The following CTNNA3 variants were observed in gnomAD, a reference collection of about 807,000 sequenced individuals.
CTNNA3 encodes the protein catenin alpha 3.
In CTNNA3, 76 loss-of-function variants were observed where a neutral mutation model predicts 95.7. The observed-to-expected ratio is 0.79, with a 90% CI of 0.66 to 0.96. The LOEUF is 0.96. Among genes scored for constraint, CTNNA3 ranks in the 40% least tolerant of loss-of-function variants. The pLI is 0.00. For synonymous variants in CTNNA3, 431 were observed against 374.4 expected (o/e 1.15, Z -1.74); for missense variants, 1,191 against 1,089.8 (o/e 1.09, Z -1.31).
At chr10:66,126,094 A>G (rs2082818300) in intron 13 of CTNNA3, among the ~76,000 whole-genome samples, 1 of 152,198 alleles carries the variant, frequency 6.6e-6, no homozygotes, top group Non-Finnish European at 1.5e-5. Flanking sequence ...ATCTCACTGT[A>G]TGGGGTATGG....
intron 11 of CTNNA3, among the ~76,000 whole-genome samples, chr10:66,458,035 T>A (rs2093506177): frequency 6.6e-6 from 1 of 152,178 alleles, no homozygotes; most frequent in Non-Finnish European, 1.5e-5. Context: ...CAGCTGTAGT[T>A]AAGCCTTGGC....
chr10:66,121,345 G>A (rs1445799474), intron 13 of CTNNA3, among the ~76,000 whole-genome samples: 1 of 152,158 alleles, frequency 6.6e-6, no homozygotes, highest in Non-Finnish European at 1.5e-5. Context: ...ACTGCTAGTT[G>A]TAGCTAGAAA....
rs905824974 is a variant in CTNNA3, at chr10:66,022,596, A to G, written c.2160-33799T>C. 5.3e-5 allele frequency among the ~76,000 whole-genome samples: 6 copies of G among 112,980 alleles called. 1 individual carries two copies. The East Asian group carries it at 1.0e-3, about 19-fold the overall frequency. The allele number at this position is 112,980 out of a possible 152,430, so 74.1% of individuals were successfully genotyped here. ...GTAGCATGACACCCAGGATATGCAC[A>G]TGACACACACACACACACACACACA... On this transcript the variant is annotated intron_variant, in intron 15 of 17. Transcript: ENST00000433211.
chr10:66,997,134 T>C (rs1270840256), intron 7 of CTNNA3, among the ~76,000 whole-genome samples: 1 of 152,152 alleles, frequency 6.6e-6, no homozygotes. Flanking sequence ...ATCAAACAGC[T>C]TTTTCGTCTT....
intron 5 of CTNNA3, among the ~76,000 whole-genome samples, chr10:67,253,806 C>A (rs1379270188): frequency 6.6e-6 from 1 of 152,080 alleles, no homozygotes; most frequent in Non-Finnish European, 1.5e-5. Context: ...AATACCAAGG[C>A]CAAATTCTGG....
At chr10:66,350,030 C>A (rs985091928) in intron 12 of CTNNA3, among the ~76,000 whole-genome samples, 1 of 151,992 alleles carries the variant, frequency 6.6e-6, no homozygotes, top group Non-Finnish European at 1.5e-5. Context: ...ATTATAGCAA[C>A]GTAACACATT....
chr10:66,296,574 C>A (rs1344157660), intron 12 of CTNNA3, among the ~76,000 whole-genome samples: 1 of 146,608 alleles, frequency 6.8e-6, no homozygotes, highest in Admixed American at 6.8e-5. Flanking sequence ...TATATATATA[C>A]ACACACACAC....
At chr10:66,255,319 C>A (rs980469303) in intron 13 of CTNNA3, among the ~76,000 whole-genome samples, 1 of 152,026 alleles carries the variant, frequency 6.6e-6, no homozygotes, top group Non-Finnish European at 1.5e-5. Flanking sequence ...CTTATAGTGC[C>A]GTATCTAAAC....
At chr10:66,779,426 G>A (rs1034454149) in intron 7 of CTNNA3, among the ~76,000 whole-genome samples, 1 of 151,682 alleles carries the variant, frequency 6.6e-6, no homozygotes, top group Non-Finnish European at 1.5e-5. Context: ...GTGCCATCTC[G>A]GCTCACTGCA....
At chr10:66,340,925 A>G (rs181458679) in intron 12 of CTNNA3, among the ~76,000 whole-genome samples, 10 of 151,994 alleles carry the variant, frequency 6.6e-5, no homozygotes, top group African/African-American at 2.2e-4. Flanking sequence ...TCCTGTCTCT[A>G]TAATGTATTT....
At chr10:66,335,513 T>G (rs903519708) in intron 12 of CTNNA3, among the ~76,000 whole-genome samples, 51 of 152,234 alleles carry the variant, frequency 3.4e-4, no homozygotes, top group African/African-American at 1.0e-3. Context: ...CCTCTTTGCC[T>G]GGGTATCAGC....
intron 15 of CTNNA3, among the ~76,000 whole-genome samples, chr10:65,995,262 G>T (rs2078632459): frequency 6.6e-6 from 1 of 151,736 alleles, no homozygotes; most frequent in African/African-American, 2.4e-5. Context: ...TGATATCTTT[G>T]CATATGGTGT....
chr10:67,088,460 A>C (rs981893180), intron 7 of CTNNA3, among the ~76,000 whole-genome samples: 1 of 151,982 alleles, frequency 6.6e-6, no homozygotes, highest in African/African-American at 2.4e-5. Flanking sequence ...ACATCATTTA[A>C]ATAGTTAAGA....
At position 67,692,007 on chromosome 10, in the gene CTNNA3, G is replaced by A. The variant is rs77792904; in HGVS notation, c.-6+3993C>T. Among the ~76,000 whole-genome samples, 7 of 143,342 alleles carry A rather than the reference G, an allele frequency of 4.9e-5. No homozygotes were observed. The East Asian group carries it at 6.5e-4, about 13-fold the overall frequency. The allele number at this position is 143,342 out of a possible 152,430, so 94.0% of individuals were successfully genotyped here. On this transcript the variant is annotated intron_variant, in intron 1 of 17. Transcript: ENST00000433211. ...AAGTGAGGGGCGCCTCTGCCCGGCC[G>A]CCCCTACTGGGAAGTGAGGAGCCCC... is the stretch of plus-strand genomic sequence containing the variant.
intron 7 of CTNNA3, among the ~76,000 whole-genome samples, chr10:66,866,587 T>C (rs1218505587): frequency 1.3e-5 from 2 of 152,194 alleles, no homozygotes; most frequent in African/African-American, 4.8e-5. Flanking sequence ...CGTATTTTAT[T>C]TGACTCTACA....
chr10:66,229,644 G>A (rs1408875400), intron 13 of CTNNA3, among the ~76,000 whole-genome samples: 5 of 151,996 alleles, frequency 3.3e-5, no homozygotes. Context: ...TTCCCTTGCT[G>A]TTTTTAGATT....
intron 12 of CTNNA3, among the ~76,000 whole-genome samples, chr10:66,282,391 A>G (rs1230334421): frequency 2.0e-5 from 3 of 151,772 alleles, no homozygotes; most frequent in African/African-American, 7.2e-5. Context: ...AACATATTCT[A>G]TCTAAATCTA....
At chr10:66,339,103 AT>A (rs937797442) in intron 12 of CTNNA3, among the ~76,000 whole-genome samples, 5 of 151,804 alleles carry the variant, frequency 3.3e-5, no homozygotes, top group East Asian at 1.9e-4. Flanking sequence ...AAATCTATGT[AT>A]TTTTTGTTGA....
At chr10:66,283,079 A>C (rs1053246426) in intron 12 of CTNNA3, among the ~76,000 whole-genome samples, 2 of 151,822 alleles carry the variant, frequency 1.3e-5, no homozygotes, top group African/African-American at 4.8e-5. Context: ...TTACTTTTGT[A>C]GTGTTAAAAG....
Sources: allele counts gnomAD v4.1 joint callset (sites outside exome capture counted in the v4.1 genomes callset), GRCh38; gene constraint gnomAD v4.1.1; transcripts MANE v1.5; gene names NCBI Gene and HGNC (gene_info 2026-07-23, HGNC 2026-07-21).